Variants in NPIPB2 observed in about 807,000 individuals in gnomAD.
NPIPB2 encodes the protein nuclear pore complex interacting protein family member B2.
In NPIPB2, 27 loss-of-function variants were observed where a neutral mutation model predicts 30.8. The ratio of observed to expected loss-of-function variants is 0.88; its 90% CI spans 0.65 to 1.21. The LOEUF (loss-of-function observed/expected upper bound fraction) is 1.21. NPIPB2 is among the 50% of genes most tolerant of loss of function. The pLI is 0.00. For missense variants in NPIPB2, 440 were observed against 446.2 expected (o/e 0.99, Z 0.13); for synonymous variants, 147 against 162.0 (o/e 0.91, Z 0.70).
intron 1 of NPIPB2, chr16:11,967,452 T>C: frequency 5.6e-6 from 6 of 1,079,700 alleles, no homozygotes; most frequent in Non-Finnish European, 8.0e-6. Context: ...AGACCCCACC[T>C]CTAAAAAATG....
chr16:11,964,651 G>A (rs2055179036), intron 1 of NPIPB2, among the ~76,000 whole-genome samples: 1 of 152,174 alleles, frequency 6.6e-6, no homozygotes, highest in Non-Finnish European at 1.5e-5. Flanking sequence ...CTGACCTCAA[G>A]TGATCCACCT....
At chr16:11,962,331 T>C (rs978878792) in intron 1 of NPIPB2, among the ~76,000 whole-genome samples, 2 of 151,684 alleles carry the variant, frequency 1.3e-5, no homozygotes, top group African/African-American at 4.8e-5. Context: ...AAACCCTGTC[T>C]CTACTAAAAA....
At chr16:11,944,452 C>T (rs1189169763), upstream of NPIPB2, among the ~76,000 whole-genome samples, 1 of 151,616 alleles carries the variant, frequency 6.6e-6, no homozygotes, top group Non-Finnish European at 1.5e-5. Flanking sequence ...CAGTCATGAG[C>T]CACCACACCT....
At chr16:11,946,129 T>C (rs2055006345), upstream of NPIPB2, among the ~76,000 whole-genome samples, 1 of 151,954 alleles carries the variant, frequency 6.6e-6, no homozygotes, top group South Asian at 2.1e-4. Flanking sequence ...CTTATACCTG[T>C]AATCCCAGCA....
chr16:11,951,661 CA>C lies in NPIPB2; in HGVS notation c.-583-9548del, dbSNP rs1567473675. ...ACACACACACACACACACACACACA[CA>C]CACACCCAGCCCCCAAACAACAAAA... On this transcript the variant is annotated intron_variant, in intron 1 of 5. Transcript: ENST00000538896. Among the ~76,000 whole-genome samples the C allele has an allele frequency of 1.8e-4, 27 of 148,880 alleles. No individual in the cohort carries two copies. In the Middle Eastern group the frequency reaches 0.014, roughly 76 times the overall value.
chr16:11,945,137 G>GATC (rs2054992689), upstream of NPIPB2, among the ~76,000 whole-genome samples: 1 of 151,870 alleles, frequency 6.6e-6, no homozygotes, highest in South Asian at 2.1e-4. Context: ...CGGTGGCCGA[G>GATC]ATCACGCCAT....
chr16:11,943,103 C>G (rs1445623191), upstream of NPIPB2, among the ~76,000 whole-genome samples: 5 of 152,016 alleles, frequency 3.3e-5, no homozygotes, highest in Non-Finnish European at 5.9e-5. Context: ...GGGCGGATCA[C>G]AAGGTCAGGA....
At chr16:11,956,210 C>A (rs746066313) in intron 1 of NPIPB2, 2 of 152,250 alleles carry the variant, frequency 1.3e-5, no homozygotes, top group Non-Finnish European at 2.9e-5. Flanking sequence ...CACCAACACT[C>A]AGGCAGGGAA....
chr16:11,976,113 C>T (rs2055291263), intron 1 of NPIPB2, among the ~76,000 whole-genome samples: 1 of 152,036 alleles, frequency 6.6e-6, no homozygotes, highest in African/African-American at 2.4e-5. Flanking sequence ...GGCCCTCCCT[C>T]CACCTCCTCA....
Position 11,965,176 on chromosome 16 carries a change from GCCCCCGTAAGAA to G in NPIPB2, c.-584+11380_-584+11391del, listed in dbSNP as rs2055183491. 3.3e-6 allele frequency: 3 copies of G among 922,398 alleles called. No individual in the cohort carries two copies. In the East Asian group the frequency reaches 7.3e-5, roughly 22 times the overall value. The allele number at this position is 922,398 out of a possible 1,614,324, so 57.1% of individuals were successfully genotyped here. A position where few individuals can be genotyped will look rare whatever the true frequency, so the allele number is the denominator to read the frequency against. On this transcript the variant is annotated intron_variant, in intron 1 of 5. Coordinates refer to the NPIPB2 transcript ENST00000538896. ...CTTAGCTGCCGCGAAGACACAGACA[GCCCCCGTAAGAA>G]CCCACGAAGCAGGCGAAGTTCATTG...
intron 1 of NPIPB2, among the ~76,000 whole-genome samples, chr16:11,951,020 A>T (rs1475535904): frequency 1.3e-5 from 2 of 152,094 alleles, no homozygotes; most frequent in African/African-American, 4.8e-5. Flanking sequence ...AAAAGGATTC[A>T]GGGTTTAGTT....
intron 1 of NPIPB2, among the ~76,000 whole-genome samples, chr16:11,974,940 T>C (rs2055261406): frequency 1.3e-5 from 2 of 151,270 alleles, no homozygotes; most frequent in African/African-American, 4.8e-5. Context: ...CCGGGTATGG[T>C]GGCAGGAGCC....
chr16:11,946,728 T>C (rs1196609666), upstream of NPIPB2, among the ~76,000 whole-genome samples: 1 of 151,992 alleles, frequency 6.6e-6, no homozygotes, highest in Non-Finnish European at 1.5e-5. Flanking sequence ...TGGAAAGCAG[T>C]TGGAAAGTTT....
upstream of NPIPB2, among the ~76,000 whole-genome samples, chr16:11,944,759 A>G (rs1350733739): frequency 4.2e-5 from 6 of 143,792 alleles, no homozygotes; most frequent in Non-Finnish European, 7.7e-5. Context: ...AAAAAAAAAA[A>G]ACTGGAACAG....
At chr16:11,972,827 G>A (rs139900921) in intron 1 of NPIPB2, among the ~76,000 whole-genome samples, 5 of 149,620 alleles carry the variant, frequency 3.3e-5, no homozygotes, top group African/African-American at 9.9e-5. Context: ...TCACGCCAGT[G>A]CATTCCAGGC....
chr16:11,927,472 T>C (rs79845530), exon 8 of NPIPB2: 2 of 1,208,302 alleles, frequency 1.7e-6, no homozygotes, highest in Non-Finnish European at 2.2e-6. Context: ...GCCTCTTGGG[T>C]TCGGGTGGTG....
intron 1 of NPIPB2, among the ~76,000 whole-genome samples, chr16:11,952,153 A>AG (rs1414148271): frequency 1.5e-5 from 1 of 64,528 alleles, no homozygotes; most frequent in African/African-American, 4.3e-5. Context: ...ACTCTGCCTC[A>AG]AAAAAAAAAA....
chr16:11,974,629 T>G (rs1235107389), intron 1 of NPIPB2, among the ~76,000 whole-genome samples: 1 of 152,140 alleles, frequency 6.6e-6, no homozygotes, highest in East Asian at 1.9e-4. Flanking sequence ...TACAGAATTG[T>G]TTTTTAAAAC....
intron 1 of NPIPB2, among the ~76,000 whole-genome samples, chr16:11,975,447 A>C (rs913150333): frequency 1.9e-4 from 29 of 151,516 alleles, no homozygotes; most frequent in South Asian, 6.3e-4. Flanking sequence ...GCGCCCGGCC[A>C]ATCCATCACC....
Sources: allele counts gnomAD v4.1 joint callset (sites outside exome capture counted in the v4.1 genomes callset), GRCh38; gene constraint gnomAD v4.1.1; transcripts MANE v1.5; gene names NCBI Gene and HGNC (gene_info 2026-07-23, HGNC 2026-07-21).